Variants in SPAG16 observed in about 807,000 individuals in gnomAD.
SPAG16 encodes sperm associated antigen 16.
SPAG16 carries 86 observed loss-of-function variants against 80.4 expected under a neutral mutation model. The ratio of observed to expected loss-of-function variants is 1.07; its 90% CI spans 0.90 to 1.28. The LOEUF (loss-of-function observed/expected upper bound fraction) is 1.28, where lower values mean the gene tolerates loss of function less well. Ranked by LOEUF, SPAG16 falls within the 50% of genes most tolerant of loss-of-function variation. The pLI is 0.00. For synonymous variants in SPAG16, 294 were observed against 265.9 expected (o/e 1.11, Z -1.03); for missense variants, 870 against 765.3 (o/e 1.14, Z -1.61).
intron 15 of SPAG16, among the ~76,000 whole-genome samples, chr2:214,210,231 A>G (rs1344638244): frequency 6.6e-6 from 1 of 152,126 alleles, no homozygotes; most frequent in Non-Finnish European, 1.5e-5. Context: ...GATAATTTTG[A>G]GTACAATTGA....
chr2:214,091,092 A>C (rs1301584717), intron 13 of SPAG16, among the ~76,000 whole-genome samples: 2 of 152,010 alleles, frequency 1.3e-5, no homozygotes, highest in Non-Finnish European at 2.9e-5. Flanking sequence ...ACAAAATCCA[A>C]GTTTCTCCCT....
chr2:213,754,454 C>T (rs1306618201), intron 10 of SPAG16, among the ~76,000 whole-genome samples: 1 of 152,082 alleles, frequency 6.6e-6, no homozygotes, highest in Non-Finnish European at 1.5e-5. Flanking sequence ...TATAAAAACT[C>T]ATTTTAGCTT....
intron 15 of SPAG16, among the ~76,000 whole-genome samples, chr2:214,389,187 C>A (rs761024222): frequency 6.6e-6 from 1 of 152,106 alleles, no homozygotes; most frequent in Non-Finnish European, 1.5e-5. Context: ...AACATCCATG[C>A]GGGAACCAGT....
intron 15 of SPAG16, among the ~76,000 whole-genome samples, chr2:214,155,202 A>G (rs1023912283): frequency 6.6e-6 from 1 of 152,300 alleles, no homozygotes; most frequent in Admixed American, 6.5e-5. Context: ...GAGTGAATAC[A>G]TGAAAGCCTG....
At chr2:213,552,270 A>T (rs2076801402) in intron 10 of SPAG16, among the ~76,000 whole-genome samples, 1 of 152,120 alleles carries the variant, frequency 6.6e-6, no homozygotes, top group African/African-American at 2.4e-5. Flanking sequence ...TTACATTTTG[A>T]ATTGTGGACT....
chr2:214,006,690 C>A (rs1012106358), intron 12 of SPAG16, among the ~76,000 whole-genome samples: 1 of 152,234 alleles, frequency 6.6e-6, no homozygotes, highest in Non-Finnish European at 1.5e-5. Flanking sequence ...CATGCTCCAT[C>A]ACTTTAGTCC....
intron 15 of SPAG16, among the ~76,000 whole-genome samples, chr2:214,180,538 A>C (rs2057278464): frequency 6.6e-6 from 1 of 151,660 alleles, no homozygotes; most frequent in Non-Finnish European, 1.5e-5. Flanking sequence ...TTTAATTACC[A>C]ACAAACTTTT....
intron 9 of SPAG16, among the ~76,000 whole-genome samples, chr2:213,441,033 A>C (rs1315793645): frequency 6.6e-6 from 1 of 152,242 alleles, no homozygotes; most frequent in African/African-American, 2.4e-5. Flanking sequence ...CATGTATTAT[A>C]GGTGGATGAA....
rs10585217 is a variant in SPAG16 at position 213,361,789 on chromosome 2, CCACACACA to C, written c.763-2254_763-2247del. Among the ~76,000 whole-genome samples the C allele has an allele frequency of 3.8e-3, 529 of 140,078 alleles. 5 individuals carry two copies. Among genetic ancestry groups the C allele is most frequent in the South Asian group, 0.016 (71 of 4,318 alleles). The allele number at this position is 140,078 out of a possible 152,430, so 91.9% of individuals were successfully genotyped here. ...GATTTGGATATTCAGACTGATAATGCCACACACACACACACACACACACACACACACAC... is the reference window on the plus strand; with the variant it reads ...GATTTGGATATTCAGACTGATAATGCCACACACACACACACACACACACAC... On this transcript the variant is annotated intron_variant, in intron 7 of 15. Transcript: ENST00000331683.
chr2:214,182,152 T>C (rs1559111467), intron 15 of SPAG16, among the ~76,000 whole-genome samples: 2 of 151,718 alleles, frequency 1.3e-5, no homozygotes, highest in Non-Finnish European at 2.9e-5. Flanking sequence ...TATACATATA[T>C]ATATTGTACA....
chr2:213,887,299 T>C (rs1174643876), intron 11 of SPAG16, among the ~76,000 whole-genome samples: 1 of 152,124 alleles, frequency 6.6e-6, no homozygotes, highest in Non-Finnish European at 1.5e-5. Context: ...GTCATGTTTC[T>C]TTCATCTCCA....
At chr2:213,462,758 G>A (rs980826277) in intron 9 of SPAG16, among the ~76,000 whole-genome samples, 1 of 152,208 alleles carries the variant, frequency 6.6e-6, no homozygotes, top group Non-Finnish European at 1.5e-5. Flanking sequence ...GTGAAACTGT[G>A]AGTCAATTAA....
At chr2:213,449,003 G>T (rs2071523748) in intron 9 of SPAG16, among the ~76,000 whole-genome samples, 1 of 152,140 alleles carries the variant, frequency 6.6e-6, no homozygotes, top group Non-Finnish European at 1.5e-5. Flanking sequence ...ATAAACAGTT[G>T]TGCAAGTAGG....
intron 15 of SPAG16, among the ~76,000 whole-genome samples, chr2:214,382,940 C>T (rs1700533446): frequency 6.6e-6 from 1 of 152,060 alleles, no homozygotes; most frequent in African/African-American, 2.4e-5. Flanking sequence ...TGAGGCCATG[C>T]CTATCCCCAT....
intron 10 of SPAG16, among the ~76,000 whole-genome samples, chr2:213,599,603 C>T (rs749149502): frequency 6.6e-6 from 1 of 152,170 alleles, no homozygotes; most frequent in Non-Finnish European, 1.5e-5. Flanking sequence ...ATATAATACA[C>T]GTAACATACA....
chr2:213,721,893 A>G (rs906864901), intron 10 of SPAG16, among the ~76,000 whole-genome samples: 2 of 152,256 alleles, frequency 1.3e-5, no homozygotes, highest in African/African-American at 4.8e-5. Context: ...AGCTTTTAAT[A>G]AAAGTTTATG....
At chr2:213,636,215 C>A (rs1173435983) in intron 10 of SPAG16, among the ~76,000 whole-genome samples, 1 of 151,952 alleles carries the variant, frequency 6.6e-6, no homozygotes, top group South Asian at 2.1e-4. Flanking sequence ...GTGTATTTTC[C>A]CCGCTTTATA....
chr2:214,376,240 G>A (rs1053282011), intron 15 of SPAG16, among the ~76,000 whole-genome samples: 2 of 152,096 alleles, frequency 1.3e-5, no homozygotes, highest in Non-Finnish European at 2.9e-5. Flanking sequence ...TAACTTATTA[G>A]TATACCTGTC....
chr2:214,273,568 CT>C (rs921046743), intron 15 of SPAG16, among the ~76,000 whole-genome samples: 4 of 151,718 alleles, frequency 2.6e-5, no homozygotes, highest in Admixed American at 2.0e-4. Context: ...CCATTTATTT[CT>C]TTTTTTTGTC....
Sources: gnomAD v4.1 joint callset for allele counts (sites outside exome capture counted in the v4.1 genomes callset) on GRCh38, gnomAD v4.1.1 for gene constraint, MANE v1.5 for transcripts, NCBI Gene and HGNC (gene_info 2026-07-23, HGNC 2026-07-21) for gene names.